The following ZNF333 variants were observed in gnomAD, a reference collection of about 807,000 sequenced individuals.
ZNF333 encodes zinc finger protein 333.
Under a neutral mutation model 76.1 loss-of-function variants are expected in ZNF333, and 61 were observed. The ratio of observed to expected loss-of-function variants is 0.80; its 90% CI spans 0.65 to 0.99. The LOEUF is 0.99. ZNF333 is among the 50% of genes least tolerant of loss of function. ZNF333 has a pLI of 0.00. For missense variants in ZNF333, 717 were observed against 822.4 expected (o/e 0.87, Z 1.57); for synonymous variants, 284 against 305.0 (o/e 0.93, Z 0.72).
At chr19:14,691,433 G>T (rs1366164005) in intron 1 of ZNF333, among the ~76,000 whole-genome samples, 1 of 152,138 alleles carries the variant, frequency 6.6e-6, no homozygotes, top group Non-Finnish European at 1.5e-5. Context: ...TTTTAATAAT[G>T]GGGTTAAAGC....
intron 5 of ZNF333, chr19:14,701,455 C>T (rs2041955570): frequency 6.4e-6 from 3 of 471,054 alleles, no homozygotes; most frequent in East Asian, 1.5e-4. Flanking sequence ...TGTGCAGGCT[C>T]CCATTGCAGG....
intron 11 of ZNF333, 109 bp downstream of exon 11, chr19:14,717,842 TGTTTACCCAGAAG>T (rs2042480704): frequency 9.1e-7 from 1 of 1,094,586 alleles, no homozygotes; most frequent in African/African-American, 1.6e-5. Flanking sequence ...AGGCAAGAAG[TGTTTACCCAGAAG>T]GAAGCAGTTT....
downstream of ZNF333, among the ~76,000 whole-genome samples, chr19:14,722,381 C>T (rs1014810792): frequency 3.3e-5 from 5 of 152,208 alleles, no homozygotes; most frequent in African/African-American, 1.2e-4. Context: ...ACACGTTGGG[C>T]TTTTCCTTCT....
chr19:14,704,550 A>T (rs2042054827), intron 5 of ZNF333, among the ~76,000 whole-genome samples: 2 of 152,198 alleles, frequency 1.3e-5, no homozygotes, highest in Admixed American at 1.3e-4. Context: ...GAAAGGTTTA[A>T]TTGGACTTAC....
In ZNF333 at chr19:14,719,613, C is replaced by CTTA. The variant is rs2042544930; in HGVS notation, c.*288_*289insTTA. On this transcript the variant is annotated 3_prime_UTR_variant, in exon 12 of 12. Coordinates refer to ENST00000292530, the MANE Select transcript of ZNF333 (RefSeq NM_032433.4). ...TGACAGATGCATACATGCATGTAAC[C>CTTA]ACCACCCCATTCCAGATATAGAATG... 2 of 1,153,132 alleles carry CTTA rather than the reference C, an allele frequency of 1.7e-6. No individual in the cohort carries two copies. The highest frequency in any genetic ancestry group is 9.2e-5 in the East Asian group (2 of 21,766). 71.4% of individuals were successfully genotyped at this position (1,153,132 alleles called of 1,614,324 possible). A position where few individuals can be genotyped will look rare whatever the true frequency, so the allele number is the denominator to read the frequency against.
In ZNF333 at chr19:14,719,379, C is replaced by T; in HGVS notation, c.*54C>T. ...GGGGCTATGACTTTCCCTCGTAATACTCCTTTAGCTGCATCCTGTGTTTCA... is the reference window on the plus strand; with the variant it reads ...GGGGCTATGACTTTCCCTCGTAATATTCCTTTAGCTGCATCCTGTGTTTCA... On this transcript the variant is annotated 3_prime_UTR_variant, in exon 12 of 12. Transcript: ENST00000292530. 2 of 1,495,580 alleles carry T rather than the reference C, an allele frequency of 1.3e-6. No homozygotes were observed. Among genetic ancestry groups the T allele is most frequent in the Non-Finnish European group, 1.8e-6 (2 of 1,116,750 alleles). The allele number at this position is 1,495,580 out of a possible 1,614,324, so 92.6% of individuals were successfully genotyped here.
At chr19:14,695,427 G>A in intron 3 of ZNF333, 139 bp from the exon 4 acceptor site, 1 of 868,630 alleles carries the variant, frequency 1.2e-6, no homozygotes, top group South Asian at 1.6e-5. Flanking sequence ...AGATCCCTTT[G>A]CTACCCATCA....
At chr19:14,691,928 C>T (rs984669020) in intron 1 of ZNF333, among the ~76,000 whole-genome samples, 6 of 152,246 alleles carry the variant, frequency 3.9e-5, no homozygotes, top group African/African-American at 9.6e-5. Context: ...CCACCCGCCT[C>T]GGCCTCCCAA....
At chr19:14,724,975 A>G (rs1467448573), downstream of ZNF333, among the ~76,000 whole-genome samples, 1 of 152,168 alleles carries the variant, frequency 6.6e-6, no homozygotes, top group Non-Finnish European at 1.5e-5. Flanking sequence ...GCATTACTAA[A>G]AAGGAATACC....
chr19:14,690,680 A>C (rs1972696203), intron 1 of ZNF333, among the ~76,000 whole-genome samples: 1 of 152,234 alleles, frequency 6.6e-6, no homozygotes, highest in Non-Finnish European at 1.5e-5. Flanking sequence ...GAATTAGATG[A>C]CGAGAGATTT....
intron 11 of ZNF333, among the ~76,000 whole-genome samples, chr19:14,729,952 A>G (rs973412933): frequency 1.4e-4 from 22 of 152,356 alleles, no homozygotes; most frequent in Middle Eastern, 3.4e-3. Context: ...AAGGGCAGAA[A>G]TCCTCAGTTC....
At chr19:14,732,975 CTA>C (rs2042688782) in exon 12 of ZNF333, 1 of 152,160 alleles carries the variant, frequency 6.6e-6, no homozygotes, top group Admixed American at 6.5e-5. Flanking sequence ...TAGGTAGACT[CTA>C]TGGGGATATG....
chr19:14,726,460 T>C (rs911015679), downstream of ZNF333, among the ~76,000 whole-genome samples: 1 of 152,198 alleles, frequency 6.6e-6, no homozygotes, highest in Non-Finnish European at 1.5e-5. Context: ...CCGAAAATGC[T>C]CTTTCCTTCT....
intron 5 of ZNF333, among the ~76,000 whole-genome samples, chr19:14,704,517 G>A (rs1431628831): frequency 3.3e-5 from 5 of 152,138 alleles, no homozygotes; most frequent in African/African-American, 9.7e-5. Context: ...AGACATACCC[G>A]AGACTGGGCA....
chr19:14,706,312 AACTC>A (rs952193725), intron 6 of ZNF333: 22 of 380,442 alleles, frequency 5.8e-5, no homozygotes, highest in Non-Finnish European at 9.9e-5. Flanking sequence ...CTCCCAGAAA[AACTC>A]ACTGACTGCC....
At chr19:14,723,756 AT>A (rs1467549079), downstream of ZNF333, among the ~76,000 whole-genome samples, 2 of 152,216 alleles carry the variant, frequency 1.3e-5, no homozygotes, top group Non-Finnish European at 2.9e-5. Flanking sequence ...CCAAGTTAAA[AT>A]GCTTTCCTGG....
At chr19:14,701,492 G>A in intron 5 of ZNF333, 1 of 800,222 alleles carries the variant, frequency 1.2e-6, no homozygotes, top group Non-Finnish European at 1.5e-6. Flanking sequence ...GTAGCCCCCA[G>A]TGCTTGTTGA....
In ZNF333 at chr19:14,719,475, C is replaced by G. The variant is rs576015425; in HGVS notation, c.*150C>G. 1 of 1,106,750 alleles carries G rather than the reference C, an allele frequency of 9.0e-7. No homozygotes were observed. The highest frequency in any genetic ancestry group is 1.8e-5 in the South Asian group (1 of 54,994). The allele number at this position is 1,106,750 out of a possible 1,614,324, so 68.6% of individuals were successfully genotyped here. On this transcript the variant is annotated 3_prime_UTR_variant, in exon 12 of 12. Transcript: ENST00000292530. ...CCTCCATTATCGTTTATTCTTTGAC[C>G]CATCTATTATTTGGAATTAGATTTT...
chr19:14,695,545 T>C (rs1265021882), intron 3 of ZNF333, 21 bp from the exon 4 acceptor site: 2 of 1,611,482 alleles, frequency 1.2e-6, no homozygotes, highest in South Asian at 2.2e-5. Flanking sequence ...TCTCAGTGCC[T>C]GTGTCTTTCT....
Sources: allele counts gnomAD v4.1 joint callset (sites outside exome capture counted in the v4.1 genomes callset), GRCh38; gene constraint gnomAD v4.1.1; transcripts MANE v1.5; gene names NCBI Gene and HGNC (gene_info 2026-07-23, HGNC 2026-07-21).